GRM5: variants seen among roughly 807,000 people sequenced by gnomAD.
The protein encoded by GRM5 is metabotropic glutamate receptor 5.
A neutral mutation model predicts 83.1 loss-of-function variants in GRM5; 19 were observed. That is an observed-to-expected ratio of 0.23 (90% CI 0.16 to 0.34). GRM5 has a LOEUF of 0.34. GRM5 is among the 10% of genes least tolerant of loss of function. The probability of loss-of-function intolerance (pLI) is 1.00; values close to 1 mark genes in which losing one functional copy is unlikely to be tolerated. For missense variants in GRM5, 1,160 were observed against 1,588.3 expected (o/e 0.73, Z 4.58); for synonymous variants, 675 against 633.6 (o/e 1.07, Z -0.98).
chr11:88,542,691 A>T (rs1412920279), intron 8 of GRM5, among the ~76,000 whole-genome samples: 1 of 152,156 alleles, frequency 6.6e-6, no homozygotes, highest in Non-Finnish European at 1.5e-5. Flanking sequence ...CAGCCTCTCA[A>T]CTCAAGGAGC....
chr11:89,014,417 C>T (rs1360759258), intron 2 of GRM5, among the ~76,000 whole-genome samples: 2 of 152,156 alleles, frequency 1.3e-5, no homozygotes, highest in African/African-American at 2.4e-5. Context: ...GGTTTCAATG[C>T]TATTACTTCA....
At chr11:88,573,559 A>G (rs1229320068) in intron 7 of GRM5, among the ~76,000 whole-genome samples, 2 of 152,174 alleles carry the variant, frequency 1.3e-5, no homozygotes, top group Admixed American at 1.3e-4. Context: ...TGAGAATAAG[A>G]TGTATGTGCT....
intron 4 of GRM5, among the ~76,000 whole-genome samples, chr11:88,610,032 C>T (rs1938271213): frequency 2.0e-5 from 3 of 152,110 alleles, no homozygotes; most frequent in Admixed American, 2.0e-4. Flanking sequence ...TGTTGAAGAT[C>T]AGTTGAGTGT....
chr11:88,824,954 T>A (rs1456627487), intron 3 of GRM5, among the ~76,000 whole-genome samples: 3 of 152,234 alleles, frequency 2.0e-5, no homozygotes, highest in Admixed American at 6.5e-5. Context: ...ACATGCATAG[T>A]CATATTTATA....
At chr11:89,063,675 CG>C (rs1485114623) in intron 1 of GRM5, 1 of 152,202 alleles carries the variant, frequency 6.6e-6, no homozygotes, top group Non-Finnish European at 1.5e-5. Flanking sequence ...GCAATCTCCC[CG>C]CTACTGAGAA....
chr11:88,906,243 A>G (rs1027991463), intron 2 of GRM5, among the ~76,000 whole-genome samples: 2 of 152,200 alleles, frequency 1.3e-5, no homozygotes, highest in African/African-American at 4.8e-5. Flanking sequence ...TTCAGCACTT[A>G]TATTGGTCTA....
intron 3 of GRM5, among the ~76,000 whole-genome samples, chr11:88,770,350 T>G (rs1942708745): frequency 6.6e-6 from 1 of 152,092 alleles, no homozygotes; most frequent in African/African-American, 2.4e-5. Flanking sequence ...TACTAAATAA[T>G]TATGTATTGA....
intron 2 of GRM5, among the ~76,000 whole-genome samples, chr11:88,942,209 A>G (rs1938138962): frequency 6.6e-6 from 1 of 152,036 alleles, no homozygotes; most frequent in African/African-American, 2.4e-5. Flanking sequence ...AAATTTTATC[A>G]TTCTGAAAAT....
At chr11:88,785,815 G>A (rs1424308035) in intron 3 of GRM5, among the ~76,000 whole-genome samples, 1 of 152,084 alleles carries the variant, frequency 6.6e-6, no homozygotes, top group African/African-American at 2.4e-5. Context: ...AACAATAGTA[G>A]TGACTATGCA....
chr11:88,749,627 T>C (rs1192081433), intron 3 of GRM5, among the ~76,000 whole-genome samples: 2 of 151,904 alleles, frequency 1.3e-5, no homozygotes, highest in Admixed American at 6.6e-5. Flanking sequence ...TATCAAGCCA[T>C]AGACACATAA....
At chr11:88,939,803 A>C (rs376712991) in intron 2 of GRM5, among the ~76,000 whole-genome samples, 2 of 151,908 alleles carry the variant, frequency 1.3e-5, no homozygotes, top group African/African-American at 2.4e-5. Flanking sequence ...TCTAAAAAAA[A>C]CTTCTATTAA....
At chr11:88,989,010 A>G (rs1939857857) in intron 2 of GRM5, among the ~76,000 whole-genome samples, 1 of 151,028 alleles carries the variant, frequency 6.6e-6, no homozygotes, top group African/African-American at 2.4e-5. Flanking sequence ...ACACATAACA[A>G]TATTAACTTT....
intron 2 of GRM5, among the ~76,000 whole-genome samples, chr11:88,988,980 A>T (rs1443518875): frequency 3.3e-5 from 5 of 150,542 alleles, no homozygotes; most frequent in African/African-American, 1.2e-4. Flanking sequence ...AGCTAACATC[A>T]TAATGACAGG....
intron 2 of GRM5, among the ~76,000 whole-genome samples, chr11:88,857,386 A>G (rs553167275): frequency 1.4e-4 from 22 of 152,196 alleles, no homozygotes; most frequent in African/African-American, 5.3e-4. Context: ...GTCTGGCATG[A>G]TATCATCCCC....
intron 2 of GRM5, among the ~76,000 whole-genome samples, chr11:88,996,942 G>A (rs2135060636): frequency 6.6e-6 from 1 of 152,236 alleles, no homozygotes; most frequent in South Asian, 2.1e-4. Flanking sequence ...TTAAATCATT[G>A]AACTAAGTTG....
At chr11:88,779,753 A>G (rs1942936788) in intron 3 of GRM5, among the ~76,000 whole-genome samples, 1 of 152,144 alleles carries the variant, frequency 6.6e-6, no homozygotes, top group South Asian at 2.1e-4. Flanking sequence ...ACCGAAAAGC[A>G]AACACCAGAA....
intron 4 of GRM5, among the ~76,000 whole-genome samples, chr11:88,610,528 T>C (rs1938284133): frequency 6.6e-6 from 1 of 152,216 alleles, no homozygotes; most frequent in Non-Finnish European, 1.5e-5. Context: ...TTGGACATTA[T>C]TGGTTTATAA....
chr11:88,772,807 C>T (rs1179735393), intron 3 of GRM5, among the ~76,000 whole-genome samples: 1 of 152,142 alleles, frequency 6.6e-6, no homozygotes, highest in East Asian at 1.9e-4. Flanking sequence ...GCATAGTATT[C>T]CATGGTGTAT....
intron 3 of GRM5, among the ~76,000 whole-genome samples, chr11:88,690,811 A>G (rs937631872): frequency 2.6e-5 from 4 of 152,180 alleles, no homozygotes; most frequent in African/African-American, 9.6e-5. Context: ...CAGAGGTACA[A>G]CCTGCACTGA....
Sources: gnomAD v4.1 joint callset for allele counts (sites outside exome capture counted in the v4.1 genomes callset) on GRCh38, gnomAD v4.1.1 for gene constraint, MANE v1.5 for transcripts, NCBI Gene and HGNC (gene_info 2026-07-23, HGNC 2026-07-21) for gene names.